Variants in COLEC11 observed in about 807,000 individuals in gnomAD.
COLEC11 encodes the protein collectin subfamily member 11, also known as collectin-11.
Under a neutral mutation model 27.3 loss-of-function variants are expected in COLEC11, and 20 were observed. The observed-to-expected ratio is 0.73, with a 90% CI of 0.51 to 1.06. The LOEUF (loss-of-function observed/expected upper bound fraction) is 1.06, where lower values mean the gene tolerates loss of function less well. COLEC11 is among the 50% of genes least tolerant of loss of function. The pLI is 0.00. For synonymous variants in COLEC11, 163 were observed against 154.7 expected (o/e 1.05, Z -0.40); for missense variants, 310 against 383.0 (o/e 0.81, Z 1.59).
intron 3 of COLEC11, among the ~76,000 whole-genome samples, chr2:3,628,323 G>GT (rs1664711178): frequency 6.6e-6 from 1 of 152,266 alleles, no homozygotes; most frequent in African/African-American, 2.4e-5. Flanking sequence ...CGGGGGCTGT[G>GT]TTCTCTGCCT....
intron 3 of COLEC11, among the ~76,000 whole-genome samples, chr2:3,627,565 C>A (rs12475572): frequency 6.7e-6 from 1 of 149,142 alleles, no homozygotes; most frequent in Non-Finnish European, 1.5e-5. Context: ...GGCATGATGA[C>A]GGTCTGCATC....
At chr2:3,642,481 T>A (rs1665941747) in intron 5 of COLEC11, among the ~76,000 whole-genome samples, 1 of 152,174 alleles carries the variant, frequency 6.6e-6, no homozygotes, top group African/African-American at 2.4e-5. Context: ...TGCTCACTCT[T>A]GTGTGTCAGG....
At chr2:3,628,424 A>G (rs940308748) in intron 3 of COLEC11, among the ~76,000 whole-genome samples, 1 of 152,214 alleles carries the variant, frequency 6.6e-6, no homozygotes, top group African/African-American at 2.4e-5. Context: ...GAGACCCTGC[A>G]CTGGTCTTAA....
At chr2:3,630,100 CATGT>C (rs1664877527) in intron 3 of COLEC11, among the ~76,000 whole-genome samples, 2 of 148,476 alleles carry the variant, frequency 1.3e-5, no homozygotes, top group African/African-American at 2.5e-5. Context: ...TTTGCATGCA[CATGT>C]ATGTATGTGG....
At chr2:3,620,856 T>G (rs576139665) in intron 3 of COLEC11, among the ~76,000 whole-genome samples, 9 of 152,366 alleles carry the variant, frequency 5.9e-5, no homozygotes, top group African/African-American at 2.2e-4. Flanking sequence ...TTCCTCCTCT[T>G]GCTGATTCCT....
intron 3 of COLEC11, among the ~76,000 whole-genome samples, chr2:3,629,661 T>C (rs563033561): frequency 6.6e-6 from 1 of 152,296 alleles, no homozygotes; most frequent in East Asian, 1.9e-4. Flanking sequence ...AGTATGTATG[T>C]GTATGTGTGC....
intron 3 of COLEC11, among the ~76,000 whole-genome samples, chr2:3,623,848 T>C (rs1485465062): frequency 6.6e-6 from 1 of 152,222 alleles, no homozygotes; most frequent in African/African-American, 2.4e-5. Context: ...ATTATTGTGT[T>C]CCTTTGGTAA....
At chr2:3,597,512 C>T (rs973261898) in intron 1 of COLEC11, among the ~76,000 whole-genome samples, 3 of 152,154 alleles carry the variant, frequency 2.0e-5, no homozygotes, top group African/African-American at 4.8e-5. Flanking sequence ...CACTACTCAC[C>T]CCTTTTCTTG....
chr2:3,603,813 C>A, intron 1 of COLEC11: 1 of 707,960 alleles, frequency 1.4e-6, no homozygotes, highest in South Asian at 1.8e-5. Context: ...AGGTGCCTGT[C>A]TCCTGCCACC....
intron 3 of COLEC11, among the ~76,000 whole-genome samples, chr2:3,624,444 A>C (rs752567295): frequency 6.6e-6 from 1 of 152,132 alleles, no homozygotes; most frequent in African/African-American, 2.4e-5. Flanking sequence ...CTTCTCCTCC[A>C]TGTCAGTCAC....
chr2:3,630,183 A>G (rs1664889334), intron 3 of COLEC11, among the ~76,000 whole-genome samples: 1 of 152,118 alleles, frequency 6.6e-6, no homozygotes, highest in Non-Finnish European at 1.5e-5. Context: ...ATGTCTGTGC[A>G]TGCATATGTG....
At chr2:3,601,223 G>A (rs540008408) in intron 1 of COLEC11, among the ~76,000 whole-genome samples, 7 of 152,302 alleles carry the variant, frequency 4.6e-5, no homozygotes, top group African/African-American at 1.2e-4. Context: ...GGTGGTGTGC[G>A]GACCATGTAG....
At position 3,614,865 on chromosome 2, in the gene COLEC11, CTAAA is replaced by C. The variant is rs1018236394; in HGVS notation, c.202+1486_202+1489del. On this transcript the variant is annotated intron_variant, in intron 3 of 6. Coordinates refer to ENST00000349077, the MANE Select transcript of COLEC11 (RefSeq NM_024027.5). ...AACAAAATCCAAAATTTTCCAGACACTAAATATCACATACAAAGAATTAGGAATC... is the reference window on the plus strand; with the variant it reads ...AACAAAATCCAAAATTTTCCAGACACTATCACATACAAAGAATTAGGAATC... Among the ~76,000 whole-genome samples, 144 of 152,306 alleles carry C rather than the reference CTAAA, an allele frequency of 9.5e-4. 1 individual carries two copies. The highest frequency in any genetic ancestry group is 3.3e-3 in the African/African-American group (138 of 41,568).
At chr2:3,598,960 A>G (rs1211292811) in intron 1 of COLEC11, among the ~76,000 whole-genome samples, 1 of 152,194 alleles carries the variant, frequency 6.6e-6, no homozygotes, top group Non-Finnish European at 1.5e-5. Flanking sequence ...CTCTCCATCA[A>G]AAACCTATTT....
In COLEC11 at chr2:3,644,013, C is replaced by A; in HGVS notation, c.711C>A (p.Tyr237Ter). 6.2e-7 allele frequency: 1 copy of A among 1,614,012 alleles called. No homozygotes were observed. Among genetic ancestry groups the A allele is most frequent in the Non-Finnish European group, 8.5e-7 (1 of 1,180,048 alleles). The change falls in exon 7 of 7, where the codon TAC becomes TAA. Residue 237 changes from tyrosine to a stop codon, truncating the protein, a stop_gained. Coordinates refer to ENST00000349077, the MANE Select transcript of COLEC11 (RefSeq NM_024027.5). LOFTEE classifies it high-confidence loss of function. ...KWRSGEPNNAYDEEDCVEMVA... is the reference protein window; with the variant it reads ...KWRSGEPNNA Reference sequence around the variant, plus strand: ...GCAGCGGTGAGCCCAACAATGCCTACGACGAGGAGGACTGCGTGGAGATGG... The same window carrying A: ...GCAGCGGTGAGCCCAACAATGCCTAAGACGAGGAGGACTGCGTGGAGATGG...
chr2:3,618,512 T>A (rs1663949023), intron 3 of COLEC11, among the ~76,000 whole-genome samples: 1 of 152,254 alleles, frequency 6.6e-6, no homozygotes, highest in Non-Finnish European at 1.5e-5. Context: ...CTTTCTTCTC[T>A]GCTCTATTGT....
chr2:3,604,299 T>G lies in COLEC11; in HGVS notation c.-26-16T>G. On this transcript the variant is annotated splice_polypyrimidine_tract_variant and intron_variant, in intron 1 of 6. Coordinates refer to ENST00000349077, the MANE Select transcript of COLEC11 (RefSeq NM_024027.5). ...TGTTGCAGTTCCCATCACTGTTTAT[T>G]CCTTCCTCTGTGTAGGAGTTGGTGT... 6.2e-7 allele frequency: 1 copy of G among 1,613,972 alleles called. No homozygotes were observed. The highest frequency in any genetic ancestry group is 1.6e-4 in the Middle Eastern group (1 of 6,062).
intron 3 of COLEC11, among the ~76,000 whole-genome samples, chr2:3,615,740 C>T (rs1245622136): frequency 7.9e-5 from 12 of 151,678 alleles, no homozygotes; most frequent in African/African-American, 2.7e-4. Flanking sequence ...CCCCACCTCG[C>T]GGACAGGGCG....
chr2:3,626,858 C>T (rs1664591241), intron 3 of COLEC11, among the ~76,000 whole-genome samples: 1 of 152,222 alleles, frequency 6.6e-6, no homozygotes, highest in South Asian at 2.1e-4. Context: ...GGCGCTCTGC[C>T]TGTGTGGTAG....
Sources: gnomAD v4.1 joint callset for allele counts (sites outside exome capture counted in the v4.1 genomes callset) on GRCh38, gnomAD v4.1.1 for gene constraint, MANE v1.5 for transcripts, NCBI Gene and HGNC (gene_info 2026-07-23, HGNC 2026-07-21) for gene names.